Variants in C12orf75 observed in about 807,000 individuals in gnomAD.
C12orf75 encodes overexpressed in colon carcinoma 1 protein.
Under a neutral mutation model 11.4 loss-of-function variants are expected in C12orf75, and 4 were observed. The ratio of observed to expected loss-of-function variants is 0.35; its 90% confidence interval spans 0.17 to 0.80. The LOEUF is 0.80. Among genes scored for constraint, C12orf75 ranks in the 30% least tolerant of loss-of-function variants. C12orf75 has a pLI of 0.52. For synonymous variants in C12orf75, 30 were observed against 30.0 expected, an observed-to-expected ratio of 1.00 and a Z score of 0.00; for missense variants, 89 against 80.4, an observed-to-expected ratio of 1.11 and a Z score of -0.41.
chr12:105,370,017 C>T (rs1320272000), intron 5 of C12orf75, among the ~76,000 whole-genome samples: 1 of 152,148 alleles, frequency 6.6e-6, no homozygotes, highest in Non-Finnish European at 1.5e-5. Flanking sequence ...ACTCAGTGAC[C>T]AAAGTTCAAA....
chr12:105,338,211 G>A (rs1489834547), intron 1 of C12orf75, among the ~76,000 whole-genome samples: 1 of 152,082 alleles, frequency 6.6e-6, no homozygotes, highest in Non-Finnish European at 1.5e-5. Context: ...GTCTTGCTCT[G>A]TCACCCAGGA....
intron 2 of C12orf75, among the ~76,000 whole-genome samples, chr12:105,355,743 A>C (rs930389874): frequency 2.8e-4 from 42 of 152,226 alleles, no homozygotes; most frequent in African/African-American, 8.7e-4. Context: ...AGCAAGGAAA[A>C]GCCAAATTTC....
intron 5 of C12orf75, among the ~76,000 whole-genome samples, chr12:105,368,884 G>T (rs946861471): frequency 2.6e-5 from 4 of 152,164 alleles, no homozygotes; most frequent in African/African-American, 7.2e-5. Context: ...TTCTTCTTGG[G>T]AGGTCACTGG....
chr12:105,335,285 TC>T (rs1457776562), intron 1 of C12orf75, among the ~76,000 whole-genome samples: 11 of 152,196 alleles, frequency 7.2e-5, no homozygotes. Flanking sequence ...ATAATTGCAT[TC>T]TTTTGAGGTA....
intron 5 of C12orf75, 134 bp downstream of exon 5, chr12:105,367,643 G>T (rs751606229): frequency 4.9e-5 from 15 of 308,222 alleles, no homozygotes; most frequent in Non-Finnish European, 8.2e-5. Context: ...TCATCCTATG[G>T]AATTGAGTGT....
intron 2 of C12orf75, 150 bp downstream of exon 2, chr12:105,348,776 C>G (rs950511810): frequency 7.1e-5 from 35 of 494,814 alleles, no homozygotes; most frequent in African/African-American, 5.0e-4. Context: ...ATCGTTGTAA[C>G]TAAAGTGCTA....
At chr12:105,349,858 CAG>C (rs1892688315) in intron 2 of C12orf75, among the ~76,000 whole-genome samples, 1 of 151,972 alleles carries the variant, frequency 6.6e-6, no homozygotes, top group African/African-American at 2.4e-5. Context: ...GCCTGGGTGA[CAG>C]AGCCAGACTC....
At chr12:105,368,649 C>T (rs1871550147) in intron 5 of C12orf75, among the ~76,000 whole-genome samples, 2 of 152,126 alleles carry the variant, frequency 1.3e-5, no homozygotes, top group Admixed American at 1.3e-4. Flanking sequence ...TGCCCAGGGC[C>T]AGTACTGGAT....
intron 1 of C12orf75, among the ~76,000 whole-genome samples, chr12:105,346,620 C>T (rs568199080): frequency 6.6e-4 from 100 of 152,252 alleles, no homozygotes; most frequent in African/African-American, 2.3e-3. Context: ...CAGAAATGTT[C>T]TTCCCTGAAG....
intron 2 of C12orf75, among the ~76,000 whole-genome samples, chr12:105,361,747 G>A (rs1229977387): frequency 1.3e-5 from 2 of 152,180 alleles, no homozygotes; most frequent in Non-Finnish European, 2.9e-5. Flanking sequence ...GTAGGATGCT[G>A]TGTCCCTTTG....
At chr12:105,353,887 T>C (rs1038275192) in intron 2 of C12orf75, among the ~76,000 whole-genome samples, 5 of 152,342 alleles carry the variant, frequency 3.3e-5, no homozygotes, top group Admixed American at 2.0e-4. Flanking sequence ...TTTATTATTA[T>C]GGAAGGTAGC....
intron 2 of C12orf75, among the ~76,000 whole-genome samples, chr12:105,363,907 G>T (rs1043113903): frequency 3.9e-5 from 6 of 152,092 alleles, no homozygotes; most frequent in African/African-American, 9.7e-5. Context: ...CACAGATTGA[G>T]TTTTAAGATA....
At chr12:105,365,320 C>G (rs936729280) in intron 2 of C12orf75, among the ~76,000 whole-genome samples, 3 of 152,106 alleles carry the variant, frequency 2.0e-5, no homozygotes, top group Non-Finnish European at 4.4e-5. Flanking sequence ...TCTTTCAGTA[C>G]CTATAGTTGT....
chr12:105,365,561 A>G (rs944997275), intron 2 of C12orf75, among the ~76,000 whole-genome samples: 1 of 152,166 alleles, frequency 6.6e-6, no homozygotes, highest in African/African-American at 2.4e-5. Context: ...GCATTTTGGC[A>G]TTTGCTGGAT....
intron 4 of C12orf75, 71 bp downstream of exon 4, chr12:105,366,767 T>A: frequency 1.1e-6 from 1 of 926,996 alleles, no homozygotes; most frequent in South Asian, 1.4e-5. Flanking sequence ...AGCATGAAAT[T>A]TATATTTCAG....
intron 1 of C12orf75, among the ~76,000 whole-genome samples, chr12:105,336,400 G>T (rs540018489): frequency 6.6e-6 from 1 of 152,314 alleles, no homozygotes; most frequent in South Asian, 2.1e-4. Flanking sequence ...ACCATAAAAT[G>T]GGGGTGTAAT....
chr12:105,357,337 A>G (rs1363951975), intron 2 of C12orf75, among the ~76,000 whole-genome samples: 1 of 152,188 alleles, frequency 6.6e-6, no homozygotes, highest in African/African-American at 2.4e-5. Context: ...TCTTAGTTGC[A>G]GTGGTTGCCT....
intron 3 of C12orf75, 177 bp downstream of exon 3, chr12:105,366,019 G>A: frequency 1.6e-6 from 1 of 630,320 alleles, no homozygotes; most frequent in Non-Finnish European, 2.9e-6. Flanking sequence ...CATCATCTTT[G>A]CTCCTTCCAA....
At chr12:105,345,322 C>T (rs1216707474) in intron 1 of C12orf75, among the ~76,000 whole-genome samples, 1 of 151,838 alleles carries the variant, frequency 6.6e-6, no homozygotes, top group Non-Finnish European at 1.5e-5. Context: ...AACCCTGTCT[C>T]TATTAAAAAA....
Sources: allele counts gnomAD v4.1 joint callset (sites outside exome capture counted in the v4.1 genomes callset), GRCh38; gene constraint gnomAD v4.1.1; transcripts MANE v1.5; gene names NCBI Gene and HGNC (gene_info 2026-07-23, HGNC 2026-07-21).